CACNA1S: variants seen among roughly 807,000 people sequenced by gnomAD.
The protein encoded by CACNA1S is voltage-dependent L-type calcium channel subunit alpha-1S.
A neutral mutation model predicts 207.4 loss-of-function variants in CACNA1S; 126 were observed. That is an observed-to-expected ratio of 0.61 (90% confidence interval 0.53 to 0.70). CACNA1S has a LOEUF of 0.70. Ranked by LOEUF, CACNA1S falls within the 30% of genes least tolerant of loss-of-function variation. The pLI is 0.00. For synonymous variants in CACNA1S, 960 were observed against 932.7 expected, an observed-to-expected ratio of 1.03 and a Z score of -0.53; for missense variants, 2,349 against 2,422.8, an observed-to-expected ratio of 0.97 and a Z score of 0.64.
rs1572046774 is a variant in CACNA1S, at chr1:201,074,490, C to T, written c.2063+16G>A. The stretch of plus-strand genomic sequence containing the variant: ...ACTGAGCACTCCAGGTCCCTTCCTG[C>T]TAAGGAAGCACTCACTTGGACATCT... On this transcript the variant is annotated intron_variant, in intron 14 of 43. Transcript: ENST00000362061. 6.5e-7 allele frequency: 1 copy of T among 1,548,882 alleles called. No homozygotes were observed. Among genetic ancestry groups the T allele is most frequent in the Admixed American group, 1.7e-5 (1 of 59,738 alleles).
rs191750218 is a variant in CACNA1S at position 201,085,021 on chromosome 1, A to G, written c.1161T>C (p.Ser387=). ...DVEDFREGKL[S]LDEGGSDTES... is the part of the protein sequence containing the mutation. ...CTGTGTCAGAGCCACCTTCATCCAAAGACAGTTTTCCTGGAGACAGGAGAG... is the reference window on the plus strand; with the variant it reads ...CTGTGTCAGAGCCACCTTCATCCAAGGACAGTTTTCCTGGAGACAGGAGAG... The change falls in exon 9 of 44, where the codon TCT becomes TCC. Residue 387 remains serine (S), a synonymous_variant. Coordinates refer to ENST00000362061, the MANE Select transcript of CACNA1S (RefSeq NM_000069.3). 1.2e-6 allele frequency: 2 copies of G among 1,611,084 alleles called. No individual in the cohort carries two copies. Among genetic ancestry groups the G allele is most frequent in the Middle Eastern group, 1.7e-4 (1 of 5,870 alleles).
chr1:201,040,853 G>T, intron 41 of CACNA1S, 140 bp from the exon 42 acceptor site: 3 of 688,034 alleles, frequency 4.4e-6, no homozygotes, highest in Non-Finnish European at 5.2e-6. Context: ...TGTCTTAGAG[G>T]GTGGACACAT....
In CACNA1S at chr1:201,083,222, T is replaced by C. The variant is rs990388342; in HGVS notation, c.1333A>G (p.Asn445Asp). Residue 445 changes from asparagine to aspartate, a missense_variant, in exon 10 of 44, where the codon AAC (asparagine) becomes GAC (aspartate). Physicochemically the swap from Asn to Asp is conservative, Grantham distance 23 (BLOSUM62 1). Coordinates refer to ENST00000362061, the MANE Select transcript of CACNA1S (RefSeq NM_000069.3). ...TGCTCTGAGGCGATAGACAGGGTGT[T>C]GAGGGCAACGATGAGAATCACCAGC... is the stretch of plus-strand genomic sequence containing the variant. ...YWLVILIVAL[N>D]TLSIASEHHN... is the part of the protein sequence containing the mutation. 3 of 1,614,166 alleles carry C rather than the reference T, an allele frequency of 1.9e-6. No homozygotes were observed. The highest frequency in any genetic ancestry group is 2.5e-6 in the Non-Finnish European group (3 of 1,180,030).
chr1:201,087,436 C>G (rs940973825), intron 7 of CACNA1S, among the ~76,000 whole-genome samples: 5 of 152,150 alleles, frequency 3.3e-5, no homozygotes, highest in African/African-American at 1.2e-4. Flanking sequence ...TTAGGCACCC[C>G]CGGGGCCAGG....
Position 201,039,947 on chromosome 1 carries a change from G to A in CACNA1S, c.5506C>T (p.Arg1836Ter), listed in dbSNP as rs926000507. The A allele has an allele frequency of 5.6e-6, 9 of 1,614,138 alleles. No individual in the cohort carries two copies. Among genetic ancestry groups the A allele is most frequent in the South Asian group, 5.5e-5 (5 of 91,084 alleles). ...CTGGCCATGCCCTCTGGGGCCTCTC[G>A]TCCTTTCAGTAGCTCTGTTGCCATG... ...EIMATELLKG[R>*]EAPEGMASSL... Residue 1836 changes from arginine to a stop codon, truncating the protein, a stop_gained, in exon 44 of 44, where the codon CGA (arginine) becomes TGA (stop). Transcript: ENST00000362061. LOFTEE classifies it low-confidence loss of function (END_TRUNC).
At chr1:201,112,131 C>G in intron 1 of CACNA1S, 57 bp downstream of exon 1, 1 of 1,563,690 alleles carries the variant, frequency 6.4e-7, no homozygotes, top group Non-Finnish European at 8.8e-7. Flanking sequence ...TGTGATCACC[C>G]CGAATCCCTC....
intron 16 of CACNA1S, among the ~76,000 whole-genome samples, chr1:201,072,198 G>A (rs1661454621): frequency 6.6e-6 from 1 of 152,142 alleles, no homozygotes; most frequent in Non-Finnish European, 1.5e-5. Context: ...AGCAGTCACT[G>A]GCTATTTGCA....
At chr1:201,090,572 C>T (rs965196626) in intron 5 of CACNA1S, among the ~76,000 whole-genome samples, 1 of 152,136 alleles carries the variant, frequency 6.6e-6, no homozygotes, top group Non-Finnish European at 1.5e-5. Flanking sequence ...GAGTTCAATG[C>T]CAGGGCTTAT....
At chr1:201,095,779 G>A (rs1293904762) in intron 2 of CACNA1S, among the ~76,000 whole-genome samples, 1 of 152,166 alleles carries the variant, frequency 6.6e-6, no homozygotes, top group Non-Finnish European at 1.5e-5. Context: ...GGGGAATCGT[G>A]GGGCAGCTGC....
At position 201,111,218 on chromosome 1, in the gene CACNA1S, C is replaced by T. The variant is rs145327356; in HGVS notation, c.153-949G>A. Among the ~76,000 whole-genome samples, 17 of 152,232 alleles carry T rather than the reference C, an allele frequency of 1.1e-4. No homozygotes were observed. The East Asian group carries it at 3.3e-3, about 29-fold the overall frequency. ...AGGGGAACAGGGCTGACCCTGACCC[C>T]AAACTATCTCTACTTGCCCCACGTT... On this transcript the variant is annotated intron_variant, in intron 1 of 43. Transcript: ENST00000362061.
chr1:201,069,959 A>G (rs1661392422), intron 17 of CACNA1S, among the ~76,000 whole-genome samples: 1 of 152,190 alleles, frequency 6.6e-6, no homozygotes, highest in African/African-American at 2.4e-5. Context: ...TGTATAGTTT[A>G]AAGGTGTAAA....
chr1:201,072,686 G>C, intron 16 of CACNA1S, 69 bp downstream of exon 16: 1 of 1,160,058 alleles, frequency 8.6e-7, no homozygotes, highest in Non-Finnish European at 1.3e-6. Flanking sequence ...CCCATGGGGA[G>C]AATTCAGGAC....
chr1:201,089,544 T>G (rs1190817935), intron 5 of CACNA1S, 81 bp from the exon 6 acceptor site: 14 of 1,372,476 alleles, frequency 1.0e-5, no homozygotes, highest in Admixed American at 3.7e-5. Flanking sequence ...AAGAGCAATT[T>G]AAGAGAATTG....
At chr1:201,097,863 C>T (rs1436882810) in intron 2 of CACNA1S, among the ~76,000 whole-genome samples, 2 of 152,180 alleles carry the variant, frequency 1.3e-5, no homozygotes, top group East Asian at 3.9e-4. Context: ...GGTCCCCCGA[C>T]ACAGATGAAA....
intron 2 of CACNA1S, among the ~76,000 whole-genome samples, chr1:201,095,121 G>GGTGTGTGTGTGTGT (rs55654000): frequency 3.4e-5 from 5 of 148,860 alleles, no homozygotes; most frequent in African/African-American, 9.9e-5. Context: ...AGCTCCAGGA[G>GGTGTGTGTGTGTGT]GTGTGTGTGT....
chr1:201,078,629 G>T (rs1462098393), intron 10 of CACNA1S, among the ~76,000 whole-genome samples: 1 of 151,030 alleles, frequency 6.6e-6, no homozygotes, highest in Non-Finnish European at 1.5e-5. Context: ...TTCTACTGAA[G>T]TTCATTAAGT....
At chr1:201,088,133 T>C (rs765236141) in intron 6 of CACNA1S, among the ~76,000 whole-genome samples, 3 of 152,160 alleles carry the variant, frequency 2.0e-5, no homozygotes, top group Non-Finnish European at 2.9e-5. Context: ...AGGATCTCCC[T>C]AGGGAGACCT....
chr1:201,075,606 C>T lies in CACNA1S; in HGVS notation c.1837G>A (p.Gly613Arg). The change falls in exon 13 of 44, where the codon GGG (glycine) becomes AGG (arginine). Residue 613 changes from glycine (G) to arginine (R), a missense_variant. Transcript: ENST00000362061. ...ALISVFQVLT[G>R]EDWTSMMYNG... ...TACATCATTGAGGTCCAGTCTTCCC[C>T]TGTCAGTACCTGTATGGAGGGAGGA... 1 of 1,614,130 alleles carries T rather than the reference C, an allele frequency of 6.2e-7. No individual in the cohort carries two copies. The highest frequency in any genetic ancestry group is 1.3e-5 in the African/African-American group (1 of 75,054).
chr1:201,077,150 G>C (rs1661656855), intron 11 of CACNA1S, 23 bp from the exon 12 acceptor site: 1 of 1,607,412 alleles, frequency 6.2e-7, no homozygotes, highest in Non-Finnish European at 8.5e-7. Flanking sequence ...GAGGCACAAG[G>C]TGGGAGGAGA....
Sources: allele counts gnomAD v4.1 joint callset (sites outside exome capture counted in the v4.1 genomes callset), GRCh38; gene constraint gnomAD v4.1.1; transcripts MANE v1.5; gene names NCBI Gene and HGNC (gene_info 2026-07-23, HGNC 2026-07-21).